Variants in GDA observed in about 807,000 individuals in gnomAD.
GDA encodes cytoplasmic PSD-95 interactor.
GDA carries 18 observed loss-of-function variants against 59.6 expected under a neutral mutation model. The ratio of observed to expected loss-of-function variants is 0.30; its 90% CI spans 0.21 to 0.45. The LOEUF is 0.45. GDA is among the 20% of genes least tolerant of loss of function. GDA has a pLI of 1.00. For missense variants in GDA, 427 were observed against 552.3 expected (o/e 0.77, Z 2.27); for synonymous variants, 201 against 201.1 (o/e 1.00, Z 0.00).
chr9:72,183,099 T>C (rs1831447488), intron 1 of GDA, among the ~76,000 whole-genome samples: 2 of 152,150 alleles, frequency 1.3e-5, no homozygotes, highest in South Asian at 4.1e-4. Context: ...TGGTTCTGTT[T>C]TGTGGAGAAT....
intron 1 of GDA, among the ~76,000 whole-genome samples, chr9:72,136,359 T>C (rs1259143493): frequency 6.6e-6 from 1 of 152,242 alleles, no homozygotes; most frequent in Non-Finnish European, 1.5e-5. Flanking sequence ...GCAAACAATG[T>C]TCTCATTATG....
chr9:72,135,514 C>T (rs1273349013), intron 1 of GDA, among the ~76,000 whole-genome samples: 3 of 152,176 alleles, frequency 2.0e-5, no homozygotes, highest in East Asian at 3.9e-4. Context: ...ATCCCAGGCT[C>T]TTATTCGCTT....
At chr9:72,170,199 A>C (rs1327550136) in intron 1 of GDA, among the ~76,000 whole-genome samples, 1 of 152,250 alleles carries the variant, frequency 6.6e-6, no homozygotes, top group Non-Finnish European at 1.5e-5. Context: ...ATGAAAACAC[A>C]TAATTATTCC....
In GDA at chr9:72,149,558, A is replaced by T; in HGVS notation, c.-2A>T. ...AGACCCGCGCTGCGCTCCGCCGCTGACATGTGTGCCGCTCAGATGCCGCCC... is the reference window on the plus strand; with the variant it reads ...AGACCCGCGCTGCGCTCCGCCGCTGTCATGTGTGCCGCTCAGATGCCGCCC... On this transcript the variant is annotated 5_prime_UTR_variant, in exon 1 of 14. Transcript: ENST00000358399. The T allele has an allele frequency of 6.2e-7, 1 of 1,610,112 alleles. No individual in the cohort carries two copies. The highest frequency in any genetic ancestry group is 8.5e-7 in the Non-Finnish European group (1 of 1,178,952).
downstream of GDA, among the ~76,000 whole-genome samples, chr9:72,255,009 A>C (rs1233469876): frequency 1.3e-5 from 2 of 152,234 alleles, no homozygotes; most frequent in Admixed American, 1.3e-4. Flanking sequence ...AATTTATCAA[A>C]GTATTGCAGA....
intron 7 of GDA, among the ~76,000 whole-genome samples, chr9:72,224,160 A>G (rs1837251156): frequency 6.6e-6 from 1 of 152,228 alleles, no homozygotes; most frequent in African/African-American, 2.4e-5. Context: ...ACACATGAAC[A>G]TTTAAAAATA....
intron 1 of GDA, among the ~76,000 whole-genome samples, chr9:72,185,748 A>G (rs1224298945): frequency 6.6e-6 from 1 of 152,134 alleles, no homozygotes; most frequent in Non-Finnish European, 1.5e-5. Context: ...TCTTGCCCAA[A>G]TTTGCCATCT....
At chr9:72,178,413 A>AT (rs145032320) in intron 1 of GDA, among the ~76,000 whole-genome samples, 22,787 of 117,140 alleles carry the variant, frequency 0.19, 3,029 homozygotes, top group African/African-American at 0.32. Flanking sequence ...TGGAATCGAT[A>AT]TTTTTTTTTT....
At chr9:72,173,611 G>C (rs73484251) in intron 1 of GDA, among the ~76,000 whole-genome samples, 2 of 151,800 alleles carry the variant, frequency 1.3e-5, no homozygotes, top group Non-Finnish European at 1.5e-5. Flanking sequence ...GATTACAGAC[G>C]TGAGCCACCA....
At chr9:72,203,931 C>T (rs1320169405) in intron 3 of GDA, among the ~76,000 whole-genome samples, 1 of 152,042 alleles carries the variant, frequency 6.6e-6, no homozygotes, top group African/African-American at 2.4e-5. Context: ...ATTCTCCTGC[C>T]TCAGCCTCCC....
intron 2 of GDA, among the ~76,000 whole-genome samples, chr9:72,200,653 C>G (rs1449206759): frequency 1.3e-5 from 2 of 152,134 alleles, no homozygotes; most frequent in Non-Finnish European, 2.9e-5. Flanking sequence ...CACTGCTATT[C>G]CGTTTTATGA....
At chr9:72,204,949 TA>T (rs368757457) in intron 3 of GDA, among the ~76,000 whole-genome samples, 2,495 of 151,968 alleles carry the variant, frequency 0.016, 58 homozygotes, top group African/African-American at 0.057. Flanking sequence ...CTGTCTCTAC[TA>T]AAAATACAAA....
chr9:72,240,240 A>G (rs2131774771), intron 10 of GDA, among the ~76,000 whole-genome samples: 1 of 152,362 alleles, frequency 6.6e-6, no homozygotes, highest in South Asian at 2.1e-4. Flanking sequence ...TTCCCAAAAT[A>G]TACAAGTTTA....
At chr9:72,130,612 T>C (rs1310638957) in intron 1 of GDA, among the ~76,000 whole-genome samples, 1 of 152,184 alleles carries the variant, frequency 6.6e-6, no homozygotes, top group Non-Finnish European at 1.5e-5. Context: ...ACCACTGGTG[T>C]ATTGAAATAG....
chr9:72,249,538 A>G lies in GDA; in HGVS notation c.*1196A>G. On this transcript the variant is annotated 3_prime_UTR_variant, in exon 14 of 14. Coordinates refer to ENST00000358399, the MANE Select transcript of GDA (RefSeq NM_004293.5). ...TGTCCTACTTAATATTTATGTTAAT[A>G]GGACTTAATTCTTACTAGACATCTA... 1.7e-6 allele frequency: 1 copy of G among 578,896 alleles called. No homozygotes were observed. The highest frequency in any genetic ancestry group is 2.2e-6 in the Non-Finnish European group (1 of 459,110). 35.9% of individuals were successfully genotyped at this position (578,896 alleles called of 1,614,324 possible). A position where few individuals can be genotyped will look rare whatever the true frequency, so the allele number is the denominator to read the frequency against.
chr9:72,212,953 CA>C (rs1835572821), intron 4 of GDA, among the ~76,000 whole-genome samples: 1 of 151,982 alleles, frequency 6.6e-6, no homozygotes, highest in South Asian at 2.1e-4. Context: ...ACTGGATAAG[CA>C]AAGGGAAAAA....
chr9:72,150,028 T>G (rs1178383928), intron 1 of GDA, among the ~76,000 whole-genome samples: 1 of 151,944 alleles, frequency 6.6e-6, no homozygotes, highest in Non-Finnish European at 1.5e-5. Flanking sequence ...CAATCTTGCT[T>G]AAATCATCTT....
chr9:72,148,660 G>A (rs576448935), upstream of GDA, among the ~76,000 whole-genome samples: 105 of 152,278 alleles, frequency 6.9e-4, no homozygotes, highest in African/African-American at 2.4e-3. Flanking sequence ...TGGTCATTGT[G>A]TAGGGTGGGA....
chr9:72,216,954 TG>T (rs1483569658), intron 5 of GDA, among the ~76,000 whole-genome samples: 2 of 152,104 alleles, frequency 1.3e-5, no homozygotes, highest in African/African-American at 4.8e-5. Flanking sequence ...GGATTACAGG[TG>T]TGAGCCACCG....
Sources: allele counts gnomAD v4.1 joint callset (sites outside exome capture counted in the v4.1 genomes callset), GRCh38; gene constraint gnomAD v4.1.1; transcripts MANE v1.5; gene names NCBI Gene and HGNC (gene_info 2026-07-23, HGNC 2026-07-21).